The following GRIK3 variants were observed in gnomAD, a reference collection of about 807,000 sequenced individuals.
GRIK3 encodes the protein glutamate ionotropic receptor kainate type subunit 3, also known as glutamate receptor ionotropic, kainate 3.
In GRIK3, 29 loss-of-function variants were observed where a neutral mutation model predicts 102.5. The observed-to-expected ratio is 0.28, with a 90% CI of 0.21 to 0.39. The LOEUF (loss-of-function observed/expected upper bound fraction) is 0.39, where lower values mean the gene tolerates loss of function less well. GRIK3 is among the 10% of genes least tolerant of loss of function. GRIK3 has a pLI of 1.00. For synonymous variants in GRIK3, 511 were observed against 504.9 expected, an observed-to-expected ratio of 1.01 and a Z score of -0.16; for missense variants, 908 against 1,252.4, an observed-to-expected ratio of 0.73 and a Z score of 4.15.
intron 7 of GRIK3, among the ~76,000 whole-genome samples, 182 bp downstream of exon 7, chr1:36,858,926 C>T (rs778972432): frequency 2.6e-5 from 4 of 152,202 alleles, no homozygotes; most frequent in Non-Finnish European, 5.9e-5. Context: ...CTCAATCATG[C>T]CATAAGTTTG....
chr1:36,884,608 C>T (rs1473611309), intron 2 of GRIK3, among the ~76,000 whole-genome samples: 3 of 152,168 alleles, frequency 2.0e-5, no homozygotes, highest in African/African-American at 7.2e-5. Flanking sequence ...GCCGTGGGCA[C>T]CCTGTAAACC....
chr1:36,869,669 T>C, intron 5 of GRIK3, 79 bp downstream of exon 5: 1 of 1,099,094 alleles, frequency 9.1e-7, no homozygotes, highest in Non-Finnish European at 1.4e-6. Context: ...TTCAGTGGGC[T>C]GGCCCAGGCT....
At chr1:36,951,933 C>A (rs1641848789) in intron 1 of GRIK3, among the ~76,000 whole-genome samples, 1 of 152,182 alleles carries the variant, frequency 6.6e-6, no homozygotes, top group African/African-American at 2.4e-5. Context: ...TGCCAAACAG[C>A]CAGGGCCTCT....
chr1:36,991,897 A>T (rs1347713425), intron 1 of GRIK3, among the ~76,000 whole-genome samples: 4 of 152,196 alleles, frequency 2.6e-5, no homozygotes, highest in Admixed American at 2.0e-4. Context: ...GATGGACAAG[A>T]CTTGGCTTGG....
rs1205271361 is a variant in GRIK3 at position 36,801,882 on chromosome 1, C to T, written c.2729G>A (p.Cys910Tyr). 1.2e-6 allele frequency: 2 copies of T among 1,611,576 alleles called. No homozygotes were observed. Among genetic ancestry groups the T allele is most frequent in the South Asian group, 2.2e-5 (2 of 90,584 alleles). The change falls in exon 16 of 16, where the codon TGC (cysteine) becomes TAC (tyrosine). Residue 910 changes from cysteine (C) to tyrosine (Y), a missense_variant. Physicochemically the swap from Cys to Tyr is radical, Grantham distance 194. Coordinates refer to ENST00000373091, the MANE Select transcript of GRIK3 (RefSeq NM_000831.4). ...GAACACAGGGGCTAAGGATGTGCTG[C>T]AGGCCATGCTGTCCTTGCCGGGAAG... ...RRLPGKDSMA[C>Y]STSLAPVFP is the part of the protein sequence containing the mutation.
rs904683025 is a variant in GRIK3, at chr1:36,797,173, C to T, written c.*4678G>A. On this transcript the variant is annotated 3_prime_UTR_variant, in exon 16 of 16. Transcript: ENST00000373091. ...GTCCCAGACTTTGCTGCTGCAGCCC[C>T]CATCTCTCATCTGGTCCTCACCCGT... 2.0e-5 allele frequency: 3 copies of T among 152,134 alleles called. No individual in the cohort carries two copies. The highest frequency in any genetic ancestry group is 7.2e-5 in the African/African-American group (3 of 41,406). The allele number at this position is 152,134 out of a possible 1,614,324, so 9.4% of individuals were successfully genotyped here.
At chr1:36,862,831 T>A (rs1002430856) in intron 5 of GRIK3, among the ~76,000 whole-genome samples, 1 of 152,198 alleles carries the variant, frequency 6.6e-6, no homozygotes, top group Non-Finnish European at 1.5e-5. Context: ...TTAGAACATG[T>A]CTGGGACATA....
chr1:37,023,074 A>G (rs546378574), intron 1 of GRIK3, among the ~76,000 whole-genome samples: 9 of 152,144 alleles, frequency 5.9e-5, no homozygotes, highest in Non-Finnish European at 1.2e-4. Context: ...CACGTCTGTA[A>G]TCTGAGCACT....
intron 1 of GRIK3, among the ~76,000 whole-genome samples, chr1:36,920,371 G>A (rs1361043626): frequency 2.6e-5 from 4 of 152,136 alleles, no homozygotes; most frequent in Non-Finnish European, 5.9e-5. Context: ...AGAATCCTTT[G>A]GCCCAGGGCC....
Position 37,027,645 on chromosome 1 carries a change from G to A in GRIK3, c.115+6349C>T, listed in dbSNP as rs114523673. Among the ~76,000 whole-genome samples, 738 of 152,326 alleles carry A rather than the reference G, an allele frequency of 4.8e-3. 7 individuals carry two copies. The highest frequency in any genetic ancestry group is 0.017 in the African/African-American group (692 of 41,570). ...AAGCTCTTTTGAAAAGACGTCACAC[G>A]TATTTAACCCAATGGGCAGTATCAT... On this transcript the variant is annotated intron_variant, in intron 1 of 15. Transcript: ENST00000373091.
intron 1 of GRIK3, among the ~76,000 whole-genome samples, chr1:36,973,866 T>C (rs1346438539): frequency 1.3e-5 from 2 of 152,206 alleles, no homozygotes; most frequent in African/African-American, 2.4e-5. Flanking sequence ...AGAGCTGTCA[T>C]GGACAGTACC....
intron 11 of GRIK3, among the ~76,000 whole-genome samples, chr1:36,822,572 C>T (rs527833018): frequency 6.6e-6 from 1 of 152,158 alleles, no homozygotes; most frequent in South Asian, 2.1e-4. Context: ...AGGGCTTCTC[C>T]AGTCTTGAGA....
chr1:37,023,779 T>G (rs6686296), intron 1 of GRIK3, among the ~76,000 whole-genome samples: 46,442 of 152,048 alleles, frequency 0.31, 7,683 homozygotes, highest in East Asian at 0.54. Context: ...TATAGGCTAA[T>G]AACCACTTAA....
At chr1:36,945,435 G>A (rs1362400085) in intron 1 of GRIK3, among the ~76,000 whole-genome samples, 2 of 152,170 alleles carry the variant, frequency 1.3e-5, no homozygotes, top group Non-Finnish European at 2.9e-5. Flanking sequence ...TTTCGGCCAG[G>A]GAATGGAAAA....
At chr1:36,837,070 C>T (rs1640388547) in intron 10 of GRIK3, among the ~76,000 whole-genome samples, 1 of 152,022 alleles carries the variant, frequency 6.6e-6, no homozygotes, top group African/African-American at 2.4e-5. Context: ...CCTTGCCAGC[C>T]CAGGCATCCT....
intron 1 of GRIK3, among the ~76,000 whole-genome samples, chr1:37,021,091 AGTGTGT>A (rs140990633): frequency 4.9e-4 from 70 of 144,008 alleles, no homozygotes; most frequent in Admixed American, 8.3e-4. Context: ...CAAATTTGCA[AGTGTGT>A]GTGTGTGTGT....
At chr1:36,974,764 C>A (rs1412849445) in intron 1 of GRIK3, among the ~76,000 whole-genome samples, 1 of 147,470 alleles carries the variant, frequency 6.8e-6, no homozygotes, top group East Asian at 2.0e-4. Flanking sequence ...TGCGCCACTG[C>A]TCTCCAGCCT....
chr1:36,870,678 T>C (rs1172765216), intron 4 of GRIK3, among the ~76,000 whole-genome samples: 1 of 152,188 alleles, frequency 6.6e-6, no homozygotes, highest in East Asian at 1.9e-4. Flanking sequence ...CATTTCTAAT[T>C]CCAGAAGTTT....
chr1:36,802,155 C>T (rs571324944), intron 15 of GRIK3, 110 bp from the exon 16 acceptor site: 9 of 728,144 alleles, frequency 1.2e-5, no homozygotes, highest in Admixed American at 6.2e-5. Context: ...TAAGGTTACC[C>T]GTCTTTCTCA....
Sources: gnomAD v4.1 joint callset for allele counts (sites outside exome capture counted in the v4.1 genomes callset) on GRCh38, gnomAD v4.1.1 for gene constraint, MANE v1.5 for transcripts, NCBI Gene and HGNC (gene_info 2026-07-23, HGNC 2026-07-21) for gene names.